Variants in LY86 observed in about 807,000 individuals in gnomAD.
LY86 encodes MD-1, RP105-associated.
Under a neutral mutation model 17.3 loss-of-function variants are expected in LY86, and 20 were observed. The ratio of observed to expected loss-of-function variants is 1.15; its 90% CI spans 0.81 to 1.68. LY86 has a LOEUF of 1.68. Among genes scored for constraint, LY86 ranks in the 40% most tolerant of loss-of-function variants. The pLI, the probability that LY86 is intolerant of heterozygous loss-of-function variation, is 0.00. For missense variants in LY86, 200 were observed against 191.9 expected (o/e 1.04, Z -0.25); for synonymous variants, 74 against 70.6 (o/e 1.05, Z -0.24).
rs772174409 is a variant in LY86 at position 6,649,633 on chromosome 6, T to C, written c.361T>C (p.Tyr121His). 1.7e-5 allele frequency: 26 copies of C among 1,566,090 alleles called. No individual in the cohort carries two copies. The highest frequency in any genetic ancestry group is 1.8e-5 in the Non-Finnish European group (21 of 1,144,110). Residue 121 changes from tyrosine (Y) to histidine (H), a missense_variant, in exon 4 of 5, where the codon TAC (tyrosine) becomes CAC (histidine). Coordinates refer to ENST00000230568, the MANE Select transcript of LY86 (RefSeq NM_004271.4). The stretch of plus-strand genomic sequence containing the variant: ...TTTATATATTTTTTCAGAGCAGATT[T>C]ACTATGCTGGGCCTGTCAATAATCC... ...FCGRRKGEQI[Y>H]YAGPVNNPEF...
Position 6,654,623 on chromosome 6 carries a change from C to T in LY86, c.485C>T (p.Ser162Phe), listed in dbSNP as rs371434032. The change falls in exon 5 of 5, where the codon TCC becomes TTC. Residue 162 changes from serine (S) to phenylalanine (F), a missense_variant. Physicochemically the swap from Ser to Phe is radical, Grantham distance 155. Transcript: ENST00000230568. ...TGTGCCAATGCTACTATCATGTGCT[C>T]CTGACTGTGGCCTGTAGCAAAAATC... ...VACANATIMC[S>F] 3.1e-6 allele frequency: 5 copies of T among 1,614,030 alleles called. No homozygotes were observed. In the South Asian group the frequency reaches 5.5e-5, roughly 18 times the overall value.
intron 3 of LY86, among the ~76,000 whole-genome samples, chr6:6,626,826 GA>G (rs59921563): frequency 0.19 from 26,993 of 144,652 alleles, 3,339 homozygotes; most frequent in African/African-American, 0.36. Flanking sequence ...CTTCAAAAAC[GA>G]AAAAAAAAAA....
At chr6:6,616,876 CAAATG>C (rs1761567651) in intron 1 of LY86, among the ~76,000 whole-genome samples, 1 of 152,232 alleles carries the variant, frequency 6.6e-6, no homozygotes, top group African/African-American at 2.4e-5. Context: ...AAGAGACAGA[CAAATG>C]CGTAAGAACC....
chr6:6,644,327 C>T (rs935163600), intron 3 of LY86, among the ~76,000 whole-genome samples: 5 of 152,078 alleles, frequency 3.3e-5, no homozygotes, highest in Admixed American at 2.6e-4. Context: ...AGTTGGAGAC[C>T]AGCCTGGACA....
intron 3 of LY86, among the ~76,000 whole-genome samples, chr6:6,645,480 T>C (rs886761310): frequency 6.6e-6 from 1 of 152,054 alleles, no homozygotes; most frequent in African/African-American, 2.4e-5. Flanking sequence ...CAACATCACT[T>C]AGCTAGTGAG....
At chr6:6,600,292 G>A (rs956147869) in intron 1 of LY86, among the ~76,000 whole-genome samples, 9 of 152,102 alleles carry the variant, frequency 5.9e-5, no homozygotes, top group Non-Finnish European at 1.2e-4. Flanking sequence ...GATGCCTGAT[G>A]AAAATATAGC....
At chr6:6,625,467 T>C (rs1761769547) in intron 2 of LY86, among the ~76,000 whole-genome samples, 1 of 152,212 alleles carries the variant, frequency 6.6e-6, no homozygotes, top group Non-Finnish European at 1.5e-5. Flanking sequence ...GGAGGAGATG[T>C]AATATTTTCT....
chr6:6,631,497 G>C (rs535884156), intron 3 of LY86, among the ~76,000 whole-genome samples: 1 of 152,190 alleles, frequency 6.6e-6, no homozygotes, highest in African/African-American at 2.4e-5. Flanking sequence ...TCATCTTTGG[G>C]CATAACCAGC....
At chr6:6,626,520 T>C in intron 3 of LY86, 99 bp downstream of exon 3, 1 of 1,381,008 alleles carries the variant, frequency 7.2e-7, no homozygotes. Context: ...GCTCTGTCTC[T>C]GCCCCTCGCC....
At chr6:6,616,358 G>A (rs1403649358) in intron 1 of LY86, among the ~76,000 whole-genome samples, 5 of 152,152 alleles carry the variant, frequency 3.3e-5, no homozygotes, top group African/African-American at 9.7e-5. Flanking sequence ...CCTCGCTCAT[G>A]TACTGCAGGG....
chr6:6,607,113 A>G (rs1364682450), intron 1 of LY86, among the ~76,000 whole-genome samples: 1 of 152,264 alleles, frequency 6.6e-6, no homozygotes, highest in Non-Finnish European at 1.5e-5. Flanking sequence ...AGATAACAAT[A>G]GCACACAGAG....
At chr6:6,625,457 G>A (rs1761769323) in intron 2 of LY86, among the ~76,000 whole-genome samples, 1 of 152,188 alleles carries the variant, frequency 6.6e-6, no homozygotes, top group Admixed American at 6.5e-5. Flanking sequence ...ACATCGGCAA[G>A]GAGGAGATGT....
chr6:6,592,936 T>C (rs112062608), intron 1 of LY86, among the ~76,000 whole-genome samples: 26 of 152,304 alleles, frequency 1.7e-4, no homozygotes, highest in Middle Eastern at 6.8e-3. Context: ...ATGTAACAGA[T>C]AGAGCAGCAT....
rs756449478 is a variant in LY86, at chr6:6,649,659, T to C, written c.387T>C (p.Pro129=). 1.3e-6 allele frequency: 2 copies of C among 1,573,784 alleles called. No homozygotes were observed. The highest frequency in any genetic ancestry group is 1.7e-6 in the Non-Finnish European group (2 of 1,147,736). ...ACTATGCTGGGCCTGTCAATAATCC[T>C]GAATTTACTATTCCTCAGGTAAGAT... The part of the protein sequence containing the change: ...QIYYAGPVNN[P]EFTIPQGEYQ... The change falls in exon 4 of 5, where the codon CCT becomes CCC. Residue 129 remains proline, a synonymous_variant. Coordinates refer to ENST00000230568, the MANE Select transcript of LY86 (RefSeq NM_004271.4).
At chr6:6,628,477 T>C (rs766835780) in intron 3 of LY86, among the ~76,000 whole-genome samples, 3 of 152,044 alleles carry the variant, frequency 2.0e-5, no homozygotes, top group Non-Finnish European at 2.9e-5. Context: ...CCCCTTAGCA[T>C]GTGTGGCCCA....
chr6:6,650,006 G>T (rs1241980569), intron 4 of LY86, among the ~76,000 whole-genome samples: 3 of 152,166 alleles, frequency 2.0e-5, no homozygotes, highest in Admixed American at 6.5e-5. Flanking sequence ...GGCATTTGTG[G>T]GGTTCCATAT....
intron 3 of LY86, among the ~76,000 whole-genome samples, chr6:6,642,024 G>A (rs980946436): frequency 1.3e-5 from 2 of 152,206 alleles, no homozygotes; most frequent in Non-Finnish European, 2.9e-5. Context: ...TGCCCTTCAC[G>A]GGCTTCTCTG....
chr6:6,600,453 T>C (rs1760864587), intron 1 of LY86, among the ~76,000 whole-genome samples: 2 of 151,266 alleles, frequency 1.3e-5, no homozygotes, highest in South Asian at 4.2e-4. Flanking sequence ...TAGCCAGGTG[T>C]GGTGGTGGAC....
At chr6:6,610,887 T>A (rs1761314949) in intron 1 of LY86, among the ~76,000 whole-genome samples, 1 of 152,200 alleles carries the variant, frequency 6.6e-6, no homozygotes, top group Non-Finnish European at 1.5e-5. Flanking sequence ...GTGGAAACTC[T>A]TTCTGACCCC....
Sources: allele counts gnomAD v4.1 joint callset (sites outside exome capture counted in the v4.1 genomes callset), GRCh38; gene constraint gnomAD v4.1.1; transcripts MANE v1.5; gene names NCBI Gene and HGNC (gene_info 2026-07-23, HGNC 2026-07-21).